The following CCN4 variants were observed in gnomAD, a reference collection of about 807,000 sequenced individuals.
CCN4 encodes CCN family member 4.
A neutral mutation model predicts 36.7 loss-of-function variants in CCN4; 30 were observed. That is an observed-to-expected ratio of 0.82 (90% confidence interval 0.61 to 1.11). The LOEUF is 1.11. Ranked by LOEUF, CCN4 falls within the 50% of genes least tolerant of loss-of-function variation. The pLI, the probability that CCN4 is intolerant of heterozygous loss-of-function variation, is 0.00. For synonymous variants in CCN4, 191 were observed against 195.4 expected (o/e 0.98, Z 0.19); for missense variants, 505 against 504.9 (o/e 1.00, Z 0.00).
chr8:133,215,996 C>G (rs1854306920), intron 2 of CCN4, among the ~76,000 whole-genome samples: 1 of 152,068 alleles, frequency 6.6e-6, no homozygotes, highest in Non-Finnish European at 1.5e-5. Flanking sequence ...CACACACACA[C>G]ACACACACAC....
Position 133,228,056 on chromosome 8 carries a change from T to A in CCN4, c.*346T>A, listed in dbSNP as rs944205522. 9.4e-6 allele frequency: 2 copies of A among 211,752 alleles called. No individual in the cohort carries two copies. The highest frequency in any genetic ancestry group is 1.9e-5 in the Non-Finnish European group (2 of 106,304). The allele number at this position is 211,752 out of a possible 1,614,324, so 13.1% of individuals were successfully genotyped here. A position where few individuals can be genotyped will look rare whatever the true frequency, so the allele number is the denominator to read the frequency against. The stretch of plus-strand genomic sequence containing the variant: ...CAGGTAGACTTTTAATATCACTAAT[T>A]TCTTCTTTAGATGCCAAACCACAAG... On this transcript the variant is annotated 3_prime_UTR_variant, in exon 5 of 5. Transcript: ENST00000250160.
At position 133,201,224 on chromosome 8, in the gene CCN4, C is replaced by T. The variant is rs537428515; in HGVS notation, c.69+10011C>T. Among the ~76,000 whole-genome samples, 40 of 152,254 alleles carry T rather than the reference C, an allele frequency of 2.6e-4. 1 individual carries two copies. The highest frequency in any genetic ancestry group is 2.2e-3 in the Admixed American group (34 of 15,286). ...ATCTGACCTTTACCTTTTTGTGACT[C>T]AGTTTGCTCATCTAACAAATGAGGA... On this transcript the variant is annotated intron_variant, in intron 1 of 4. Transcript: ENST00000250160.
intron 1 of CCN4, among the ~76,000 whole-genome samples, chr8:133,201,920 G>C (rs1853601934): frequency 6.6e-6 from 1 of 152,166 alleles, no homozygotes. Flanking sequence ...GACCAACTAA[G>C]TGTTGATAAT....
intron 4 of CCN4, among the ~76,000 whole-genome samples, chr8:133,226,904 G>A (rs970878844): frequency 1.3e-5 from 2 of 152,228 alleles, no homozygotes; most frequent in Admixed American, 1.3e-4. Context: ...CCATAGCCCA[G>A]TGGAAGGTAG....
intron 2 of CCN4, among the ~76,000 whole-genome samples, chr8:133,217,794 C>T (rs1854373684): frequency 6.6e-6 from 1 of 152,160 alleles, no homozygotes. Context: ...TTTTTAAAAG[C>T]TCCCCAGGTT....
At chr8:133,199,856 C>T (rs568062949) in intron 1 of CCN4, among the ~76,000 whole-genome samples, 6 of 152,274 alleles carry the variant, frequency 3.9e-5, no homozygotes, top group South Asian at 2.1e-4. Context: ...CCAAGGCCCA[C>T]GGCGAGCCCC....
At chr8:133,223,347 C>G (rs1033449846) in intron 3 of CCN4, among the ~76,000 whole-genome samples, 2 of 152,184 alleles carry the variant, frequency 1.3e-5, no homozygotes, top group Non-Finnish European at 2.9e-5. Flanking sequence ...GGGCAATTCC[C>G]TCCCCACCAC....
In CCN4 at chr8:133,227,695, A is replaced by G. The variant is rs756473556; in HGVS notation, c.1089A>G (p.Ser363=). ...FADLESYPDF[S]EIAN ...ACTTGGAATCCTACCCTGACTTCTC[A>G]GAAATTGCCAACTAGGCAGGCACAA... Residue 363 remains serine, a synonymous_variant, in exon 5 of 5, where the codon TCA becomes TCG. Transcript: ENST00000250160. The G allele has an allele frequency of 3.7e-6, 6 of 1,612,760 alleles. No individual in the cohort carries two copies. Among genetic ancestry groups the G allele is most frequent in the Non-Finnish European group, 2.5e-6 (3 of 1,179,040 alleles).
At position 133,224,547 on chromosome 8, in the gene CCN4, C is replaced by A. The variant is rs947786583; in HGVS notation, c.611-843C>A. 2.6e-5 allele frequency among the ~76,000 whole-genome samples: 4 copies of A among 152,222 alleles called. No homozygotes were observed. The East Asian group carries it at 7.8e-4, about 30-fold the overall frequency. ...ACCCACTATGCCCTCGGCATCACTG[C>A]GACAAAATGTTAGGTGCTGGCATGT... is the stretch of plus-strand genomic sequence containing the variant. On this transcript the variant is annotated intron_variant, in intron 3 of 4. Coordinates refer to ENST00000250160, the MANE Select transcript of CCN4 (RefSeq NM_003882.4).
intron 1 of CCN4, among the ~76,000 whole-genome samples, chr8:133,196,027 C>T (rs555850570): frequency 2.0e-5 from 3 of 152,322 alleles, no homozygotes; most frequent in East Asian, 3.9e-4. Context: ...GGAAGCAAAG[C>T]GAGCCAGCAA....
rs1854892619 is a variant in CCN4, at chr8:133,229,856, G to A, written c.*2146G>A. 1 of 152,222 alleles carries A rather than the reference G, an allele frequency of 6.6e-6. No individual in the cohort carries two copies. Among genetic ancestry groups the A allele is most frequent in the Non-Finnish European group, 1.5e-5 (1 of 68,038 alleles). 9.4% of individuals were successfully genotyped at this position (152,222 alleles called of 1,614,324 possible). Reference sequence around the variant, plus strand: ...TGTATGTATACATATATTTGTGTATGCGTATGCAAGAATTCTTGTATAAAG... The same window carrying A: ...TGTATGTATACATATATTTGTGTATACGTATGCAAGAATTCTTGTATAAAG... On this transcript the variant is annotated 3_prime_UTR_variant, in exon 5 of 5. Transcript: ENST00000250160.
chr8:133,202,609 A>C (rs1853627310), intron 1 of CCN4, among the ~76,000 whole-genome samples: 2 of 152,224 alleles, frequency 1.3e-5, no homozygotes, highest in Admixed American at 6.5e-5. Context: ...AAAACCTTCT[A>C]CATCCCATAA....
At position 133,191,068 on chromosome 8, in the gene CCN4, T is replaced by C. The variant is rs2130505137; in HGVS notation, c.-77T>C. 2 of 1,540,404 alleles carry C rather than the reference T, an allele frequency of 1.3e-6. No individual in the cohort carries two copies. The highest frequency in any genetic ancestry group is 2.3e-5 in the East Asian group (1 of 43,784). ...CTGGTGCTCCTGATGGGCCGGCCAG[T>C]CTGGGCCCAGCTCCCCCGAGAGGTG... On this transcript the variant is annotated 5_prime_UTR_variant, in exon 1 of 5. Coordinates refer to ENST00000250160, the MANE Select transcript of CCN4 (RefSeq NM_003882.4).
intron 1 of CCN4, among the ~76,000 whole-genome samples, chr8:133,206,233 A>C (rs1441978807): frequency 6.6e-6 from 1 of 152,132 alleles, no homozygotes; most frequent in Non-Finnish European, 1.5e-5. Flanking sequence ...CCCCAGACCA[A>C]CCACTCAAGG....
At chr8:133,212,061 C>T (rs1017994872) in intron 1 of CCN4, among the ~76,000 whole-genome samples, 2 of 152,144 alleles carry the variant, frequency 1.3e-5, no homozygotes, top group African/African-American at 4.8e-5. Flanking sequence ...TTGTGTCCAT[C>T]ATATTTGCCA....
In CCN4 at chr8:133,220,831, A is replaced by AG. The variant is rs1353225855; in HGVS notation, c.602dup (p.Ala202SerfsTer7). The AG allele has an allele frequency of 3.1e-6, 5 of 1,598,900 alleles. No homozygotes were observed. Among genetic ancestry groups the AG allele is most frequent in the Non-Finnish European group, 3.4e-6 (4 of 1,169,696 alleles). On this transcript the variant is annotated frameshift_variant, in exon 3 of 5. Transcript: ENST00000250160. LOFTEE classifies it high-confidence loss of function. Reference sequence around the variant, plus strand: ...CACGCAAGACCGCACCCCGTGACACAGGAGCCTTCGGTGGGTGTGGGCCCG... The same window carrying AG: ...CACGCAAGACCGCACCCCGTGACACAGGGAGCCTTCGGTGGGTGTGGGCCCG...
At chr8:133,202,663 T>A (rs2977529) in intron 1 of CCN4, among the ~76,000 whole-genome samples, 109,464 of 151,994 alleles carry the variant, frequency 0.72, 39,547 homozygotes, top group East Asian at 0.8. Context: ...CCCTTGGGAG[T>A]TTCTGGGCAG....
intron 3 of CCN4, among the ~76,000 whole-genome samples, chr8:133,223,626 G>C (rs1351971235): frequency 6.7e-6 from 1 of 148,476 alleles, no homozygotes; most frequent in Non-Finnish European, 1.5e-5. Flanking sequence ...CCTTCCTCCT[G>C]TTTCTTTCTC....
chr8:133,194,478 T>G (rs1588177137), intron 1 of CCN4, among the ~76,000 whole-genome samples: 1 of 64,024 alleles, frequency 1.6e-5, no homozygotes, highest in Non-Finnish European at 2.8e-5. Flanking sequence ...TGTGTGTGTG[T>G]GTGGTGGGGG....
Sources: gnomAD v4.1 joint callset for allele counts (sites outside exome capture counted in the v4.1 genomes callset) on GRCh38, gnomAD v4.1.1 for gene constraint, MANE v1.5 for transcripts, NCBI Gene and HGNC (gene_info 2026-07-23, HGNC 2026-07-21) for gene names.